LACRT: variants seen among roughly 807,000 people sequenced by gnomAD.
LACRT encodes lacritin, also known as extracellular glycoprotein lacritin.
Under a neutral mutation model 14.5 loss-of-function variants are expected in LACRT, and 14 were observed. The ratio of observed to expected loss-of-function variants is 0.96; its 90% CI spans 0.64 to 1.51. The LOEUF is 1.51. LACRT is among the 40% of genes most tolerant of loss of function. The probability of loss-of-function intolerance (pLI) is 0.00; values close to 1 mark genes in which losing one functional copy is unlikely to be tolerated. For synonymous variants in LACRT, 70 were observed against 63.5 expected, an observed-to-expected ratio of 1.10 and a Z score of -0.48; for missense variants, 156 against 161.8, an observed-to-expected ratio of 0.96 and a Z score of 0.19.
intron 2 of LACRT, among the ~76,000 whole-genome samples, chr12:54,632,648 G>A (rs543612955): frequency 7.2e-5 from 11 of 152,266 alleles, no homozygotes; most frequent in African/African-American, 2.6e-4. Context: ...TTGAAGGCAG[G>A]ATGTTAGCAG....
chr12:54,633,566 C>T (rs1284105082), intron 1 of LACRT, among the ~76,000 whole-genome samples: 1 of 152,180 alleles, frequency 6.6e-6, no homozygotes, highest in Admixed American at 6.5e-5. Context: ...GGCTCAACCT[C>T]CTCTGTGGTG....
Position 54,632,286 on chromosome 12 carries a change from C to G in LACRT, c.208G>C (p.Gly70Arg), listed in dbSNP as rs758466807. ...CTGCTTGAGGTGACCTTGGCTGTCC[C>G]CTGAACTGCTGCCGCCGAAGTCTCC... is the stretch of plus-strand genomic sequence containing the variant. ...AQETSAAAVQ[G>R]TAKVTSSRQE... Residue 70 changes from glycine to arginine, a missense_variant, in exon 3 of 5, where the codon GGG becomes CGG. By Grantham distance (125) the Gly-to-Arg change is moderately radical (BLOSUM62 -2). Transcript: ENST00000257867. 1 of 1,614,076 alleles carries G rather than the reference C, an allele frequency of 6.2e-7. No homozygotes were observed. Among genetic ancestry groups the G allele is most frequent in the Admixed American group, 1.7e-5 (1 of 60,012 alleles).
At position 54,630,895 on chromosome 12, in the gene LACRT, T is replaced by G. The variant is rs1958147904; in HGVS notation, c.414A>C (p.Ala138=). 1.2e-6 allele frequency: 2 copies of G among 1,606,486 alleles called. No homozygotes were observed. The stretch of plus-strand genomic sequence containing the variant: ...TGATCCCATTCTTTTCAGCTTCTCA[T>G]GCCCATGGTTTTAATAGACTGAATT... ...LKKFSLLKPW[A] Residue 138 remains alanine (A), a synonymous_variant, in exon 5 of 5, where the codon GCA becomes GCC. Transcript: ENST00000257867.
chr12:54,632,454 C>T, intron 2 of LACRT, 73 bp from the exon 3 acceptor site: 1 of 1,563,086 alleles, frequency 6.4e-7, no homozygotes, highest in Non-Finnish European at 8.7e-7. Flanking sequence ...TTGCAGGGCC[C>T]CAGGATACCT....
Position 54,631,800 on chromosome 12 carries a change from G to T in LACRT, c.293C>A (p.Ala98Asp). The stretch of plus-strand genomic sequence containing the variant: ...CATTCCTTTTCCTGCTTTTGCAAGG[G>T]CTTGTTCTGTTAGTAAGATACTTTT... ...VEKSILLTEQ[A>D]LAKAGKGMHG... The change falls in exon 4 of 5, where the codon GCC becomes GAC. Residue 98 changes from alanine (A) to aspartate (D), a missense_variant. Coordinates refer to ENST00000257867, the MANE Select transcript of LACRT (RefSeq NM_033277.2). 6.2e-7 allele frequency: 1 copy of T among 1,613,886 alleles called. No individual in the cohort carries two copies. Among genetic ancestry groups the T allele is most frequent in the Non-Finnish European group, 8.5e-7 (1 of 1,179,790 alleles).
intron 4 of LACRT, 122 bp from the exon 5 acceptor site, chr12:54,631,075 C>A (rs1007952467): frequency 1.5e-6 from 1 of 679,170 alleles, no homozygotes. Flanking sequence ...GAGGCTTACA[C>A]AGAAGTTGGA....
chr12:54,633,271 CG>C, intron 1 of LACRT, 38 bp from the exon 2 acceptor site: 1 of 1,593,258 alleles, frequency 6.3e-7, no homozygotes. Context: ...GAGCAAGGAC[CG>C]AACCGGACCT....
chr12:54,633,977 C>T (rs372888129), intron 1 of LACRT, among the ~76,000 whole-genome samples: 8 of 151,750 alleles, frequency 5.3e-5, no homozygotes, highest in East Asian at 1.9e-4. Context: ...GCATTCTAGA[C>T]GAGGAAAGGA....
rs1294982866 is a variant in LACRT at position 54,631,747 on chromosome 12, A to G, written c.346T>C (p.Phe116Leu). ...CTTGGGATGCACTCACTTTCGATGA[A>G]TTGTTTTCCACCTGGCACGCCTCCG... is the stretch of plus-strand genomic sequence containing the variant. The part of the protein sequence containing the change: ...MHGGVPGGKQ[F>L]IENGSEFAQK... Residue 116 changes from phenylalanine (F) to leucine (L), a missense_variant, in exon 4 of 5, where the codon TTC (phenylalanine) becomes CTC (leucine). Phe to Leu is a conservative substitution (Grantham distance 22). Coordinates refer to ENST00000257867, the MANE Select transcript of LACRT (RefSeq NM_033277.2). 1.9e-6 allele frequency: 3 copies of G among 1,612,626 alleles called. No homozygotes were observed. The highest frequency in any genetic ancestry group is 1.7e-6 in the Non-Finnish European group (2 of 1,178,748).
In LACRT at chr12:54,631,811, T is replaced by C. The variant is rs1958153736; in HGVS notation, c.282A>G (p.Leu94=). The change falls in exon 4 of 5, where the codon CTA becomes CTG. Residue 94 remains leucine, a synonymous_variant. Transcript: ENST00000257867. ...LKSIVEKSIL[L]TEQALAKAGK... ...CTGCTTTTGCAAGGGCTTGTTCTGT[T>C]AGTAAGATACTTTTCTCCACTATGG... The C allele has an allele frequency of 1.2e-6, 2 of 1,613,714 alleles. No individual in the cohort carries two copies. Among genetic ancestry groups the C allele is most frequent in the African/African-American group, 2.7e-5 (2 of 74,928 alleles).
chr12:54,634,760 G>A (rs774700372), intron 1 of LACRT, 24 bp downstream of exon 1: 20 of 1,607,980 alleles, frequency 1.2e-5, no homozygotes, highest in Non-Finnish European at 1.7e-5. Context: ...CTCTTGTGGG[G>A]CGCAGAGGAA....
chr12:54,632,517 C>A (rs1358672134), intron 2 of LACRT, 136 bp from the exon 3 acceptor site: 2 of 1,008,936 alleles, frequency 2.0e-6, no homozygotes, highest in African/African-American at 3.2e-5. Context: ...ACGCTGCCCC[C>A]TTAAGGGAGA....
At position 54,632,927 on chromosome 12, in the gene LACRT, C is replaced by A. The variant is rs75657687; in HGVS notation, c.112+253G>T. 1.1e-3 allele frequency among the ~76,000 whole-genome samples: 168 copies of A among 152,172 alleles called. 1 individual carries two copies. The highest frequency in any genetic ancestry group is 3.6e-3 in the African/African-American group (151 of 41,512). ...TACCACTTAACCTCATGTTTCTCTC[C>A]CTTTTATTCACAATAACCTTTTCCC... On this transcript the variant is annotated intron_variant, in intron 2 of 4. Transcript: ENST00000257867.
At chr12:54,631,380 C>T (rs899682463) in intron 4 of LACRT, among the ~76,000 whole-genome samples, 2 of 152,194 alleles carry the variant, frequency 1.3e-5, no homozygotes, top group African/African-American at 4.8e-5. Flanking sequence ...GCTGGGACTA[C>T]AGGCATGTGC....
rs1192944447 is a variant in LACRT at position 54,632,348 on chromosome 12, T to G, written c.146A>C (p.Glu49Ala). Residue 49 changes from glutamate (E) to alanine (A), a missense_variant, in exon 3 of 5, where the codon GAA (glutamate) becomes GCA (alanine). Coordinates refer to ENST00000257867, the MANE Select transcript of LACRT (RefSeq NM_033277.2). ...GGTTGTCTCTGGGGGTGAAGCTGGTTCTGCTGGACCTGAGATCTCTTCATT... is the reference window on the plus strand; with the variant it reads ...GGTTGTCTCTGGGGGTGAAGCTGGTGCTGCTGGACCTGAGATCTCTTCATT... ...KPNEEISGPA[E>A]PASPPETTTT... is the part of the protein sequence containing the mutation. 1 of 1,614,142 alleles carries G rather than the reference T, an allele frequency of 6.2e-7. No homozygotes were observed. Among genetic ancestry groups the G allele is most frequent in the East Asian group, 2.2e-5 (1 of 44,880 alleles).
In LACRT at chr12:54,632,130, T is replaced by C; in HGVS notation, c.253+111A>G. 3.1e-6 allele frequency: 4 copies of C among 1,280,348 alleles called. No individual in the cohort carries two copies. In the South Asian group the frequency reaches 5.5e-5, roughly 18 times the overall value. 79.3% of individuals were successfully genotyped at this position (1,280,348 alleles called of 1,614,324 possible). ...CATTTGTGCCTTTGTGTTCAGCTGT[T>C]TGAGTCTACCTGCTTCTCACCAGGC... On this transcript the variant is annotated intron_variant, in intron 3 of 4. Coordinates refer to ENST00000257867, the MANE Select transcript of LACRT (RefSeq NM_033277.2).
At position 54,632,311 on chromosome 12, in the gene LACRT, C is replaced by A; in HGVS notation, c.183G>T (p.Gln61His). ...ASPPETTTTA[Q>H]ETSAAAVQGT... ...CCTGAACTGCTGCCGCCGAAGTCTC[C>A]TGGGCTGTTGTGGTTGTCTCTGGGG... Residue 61 changes from glutamine to histidine, a missense_variant, in exon 3 of 5, where the codon CAG (glutamine) becomes CAT (histidine). Transcript: ENST00000257867. The A allele has an allele frequency of 6.2e-7, 1 of 1,614,090 alleles. No individual in the cohort carries two copies. The highest frequency in any genetic ancestry group is 8.5e-7 in the Non-Finnish European group (1 of 1,180,014).
At chr12:54,632,125 G>A in intron 3 of LACRT, 116 bp downstream of exon 3, 1 of 1,204,904 alleles carries the variant, frequency 8.3e-7, no homozygotes, top group Admixed American at 2.1e-5. Context: ...TTTGTGTTCA[G>A]CTGTTTGAGT....
In LACRT at chr12:54,633,287, G is replaced by A. The variant is rs1474437401; in HGVS notation, c.59-54C>T. ...AGCAAGGACCGAACCGGACCTACTC[G>A]AGCCACCCTCCCCTCCCATTCCCAA... On this transcript the variant is annotated intron_variant, in intron 1 of 4. Coordinates refer to ENST00000257867, the MANE Select transcript of LACRT (RefSeq NM_033277.2). 11 of 1,483,134 alleles carry A rather than the reference G, an allele frequency of 7.4e-6. No individual in the cohort carries two copies. The East Asian group carries it at 1.6e-4, about 21-fold the overall frequency. The allele number at this position is 1,483,134 out of a possible 1,614,324, so 91.9% of individuals were successfully genotyped here. A position where few individuals can be genotyped will look rare whatever the true frequency, so the allele number is the denominator to read the frequency against.
Sources: gnomAD v4.1 joint callset for allele counts (sites outside exome capture counted in the v4.1 genomes callset) on GRCh38, gnomAD v4.1.1 for gene constraint, MANE v1.5 for transcripts, NCBI Gene and HGNC (gene_info 2026-07-23, HGNC 2026-07-21) for gene names.